Variants in PAAF1 observed in about 807,000 individuals in gnomAD.
PAAF1 encodes proteasomal ATPase associated factor 1.
Under a neutral mutation model 52.8 loss-of-function variants are expected in PAAF1, and 46 were observed. The observed-to-expected ratio is 0.87, with a 90% confidence interval of 0.69 to 1.11. The LOEUF (loss-of-function observed/expected upper bound fraction) is 1.11, where lower values mean the gene tolerates loss of function less well. Among genes scored for constraint, PAAF1 ranks in the 50% most tolerant of loss-of-function variants. The probability of loss-of-function intolerance (pLI) is 0.00; values close to 1 mark genes in which losing one functional copy is unlikely to be tolerated. For synonymous variants in PAAF1, 178 were observed against 172.8 expected (o/e 1.03, Z -0.24); for missense variants, 424 against 477.4 (o/e 0.89, Z 1.04).
chr11:73,877,092 T>A (rs1430301758), intron 1 of PAAF1, 24 bp downstream of exon 1: 1 of 1,510,356 alleles, frequency 6.6e-7, no homozygotes, highest in Non-Finnish European at 8.9e-7. Flanking sequence ...CAGAACAGAG[T>A]CAGAGGAGGC....
At chr11:73,921,937 C>T in intron 10 of PAAF1, 1 of 1,035,458 alleles carries the variant, frequency 9.7e-7, no homozygotes, top group Non-Finnish European at 1.5e-6. Flanking sequence ...TTTGGAATTG[C>T]ACTTCTGGAG....
intron 2 of PAAF1, among the ~76,000 whole-genome samples, chr11:73,884,860 ATTC>A (rs1949015296): frequency 6.8e-6 from 1 of 146,084 alleles, no homozygotes; most frequent in African/African-American, 2.6e-5. Context: ...ACTTTCTTTT[ATTC>A]TTTTTTTTTT....
In PAAF1 at chr11:73,914,453, G is replaced by A. The variant is rs367553624; in HGVS notation, c.768G>A (p.Leu256=). ...GAACAGAGGCCAAAATGCTGCTCTT[G>A]GCCCGGGAAGATAAGAAACTTCAGT... The part of the protein sequence containing the change: ...EVGTEAKMLL[L]AREDKKLQCL... Residue 256 remains leucine, a synonymous_variant, in exon 8 of 12, where the codon TTG becomes TTA. Coordinates refer to ENST00000310571, the MANE Select transcript of PAAF1 (RefSeq NM_025155.3). 6.8e-5 allele frequency: 110 copies of A among 1,613,942 alleles called. 3 individuals are homozygous for A. In the East Asian group the frequency reaches 1.0e-3, roughly 15 times the overall value.
chr11:73,877,778 C>T (rs758004302), intron 1 of PAAF1, among the ~76,000 whole-genome samples: 20 of 152,118 alleles, frequency 1.3e-4, no homozygotes, highest in Middle Eastern at 3.4e-3. Context: ...CCCAGCTACT[C>T]GGGAGGCTGA....
At chr11:73,898,561 A>G (rs1949497439) in intron 4 of PAAF1, among the ~76,000 whole-genome samples, 1 of 152,130 alleles carries the variant, frequency 6.6e-6, no homozygotes, top group Admixed American at 6.6e-5. Flanking sequence ...GGTGGCCTAT[A>G]ATCCCAGCAC....
At position 73,909,405 on chromosome 11, in the gene PAAF1, T is replaced by A; in HGVS notation, c.539T>A (p.Leu180Gln). 6.2e-7 allele frequency: 1 copy of A among 1,614,140 alleles called. No homozygotes were observed. The highest frequency in any genetic ancestry group is 8.5e-7 in the Non-Finnish European group (1 of 1,180,008). The change falls in exon 7 of 12, where the codon CTG becomes CAG. Residue 180 changes from leucine to glutamine, a missense_variant. By Grantham distance (113) the Leu-to-Gln change is moderately radical. Transcript: ENST00000310571. ...AGTTTTTTTCTCTTGCTAGGTATCC[T>A]GGATACAGCCATCGTTGATCGGGGG... ...VTFKGHKGGI[L>Q]DTAIVDRGRN...
At chr11:73,926,725 A>G (rs1337019983) in intron 11 of PAAF1, among the ~76,000 whole-genome samples, 1 of 152,128 alleles carries the variant, frequency 6.6e-6, no homozygotes, top group East Asian at 1.9e-4. Flanking sequence ...CAAACAAACA[A>G]AATTCTTGTG....
intron 11 of PAAF1, among the ~76,000 whole-genome samples, chr11:73,925,698 G>A (rs114314206): frequency 6.1e-4 from 93 of 152,144 alleles, no homozygotes; most frequent in African/African-American, 2.2e-3. Context: ...CAGACACTGT[G>A]CTGAACGTTT....
rs1024642349 is a variant in PAAF1, at chr11:73,928,750, G to A, written c.*1388G>A. 1.3e-5 allele frequency: 2 copies of A among 152,066 alleles called. No homozygotes were observed. Among genetic ancestry groups the A allele is most frequent in the African/African-American group, 4.8e-5 (2 of 41,416 alleles). The allele number at this position is 152,066 out of a possible 1,614,324, so 9.4% of individuals were successfully genotyped here. A position where few individuals can be genotyped will look rare whatever the true frequency, so the allele number is the denominator to read the frequency against. Reference sequence around the variant, plus strand: ...TCTTTTTTTTGTTTTTTTTGAGACGGAGTCTCGCTCTGTCACCCAGACTGG... The same window carrying A: ...TCTTTTTTTTGTTTTTTTTGAGACGAAGTCTCGCTCTGTCACCCAGACTGG... On this transcript the variant is annotated 3_prime_UTR_variant, in exon 12 of 12. Coordinates refer to ENST00000310571, the MANE Select transcript of PAAF1 (RefSeq NM_025155.3).
rs866133701 is a variant in PAAF1 at position 73,897,468 on chromosome 11, C to T, written c.283-1678C>T. 4.0e-3 allele frequency among the ~76,000 whole-genome samples: 580 copies of T among 144,264 alleles called. 2 individuals carry two copies. Among genetic ancestry groups the T allele is most frequent in the Middle Eastern group, 0.016 (4 of 256 alleles). The allele number at this position is 144,264 out of a possible 152,430, so 94.6% of individuals were successfully genotyped here. A position where few individuals can be genotyped will look rare whatever the true frequency, so the allele number is the denominator to read the frequency against. On this transcript the variant is annotated intron_variant, in intron 4 of 11. Transcript: ENST00000310571. Reference sequence around the variant, plus strand: ...GCAGAGGGTCTCCTCACTTCTCAGACGGGGCGGCCGGGCAGAGACGCTCCT... The same window carrying T: ...GCAGAGGGTCTCCTCACTTCTCAGATGGGGCGGCCGGGCAGAGACGCTCCT...
chr11:73,899,342 T>C, intron 5 of PAAF1, 98 bp downstream of exon 5: 2 of 777,770 alleles, frequency 2.6e-6, no homozygotes, highest in Non-Finnish European at 4.4e-6. Flanking sequence ...ATTCTAAAAA[T>C]GTGGGACCAC....
chr11:73,923,753 T>C (rs912775271), intron 10 of PAAF1, among the ~76,000 whole-genome samples: 5 of 152,158 alleles, frequency 3.3e-5, no homozygotes, highest in Admixed American at 1.3e-4. Flanking sequence ...AATCACCTTA[T>C]TAAGCAGTTT....
chr11:73,911,622 C>CTT lies in PAAF1; in HGVS notation c.727+2047_727+2048dup, dbSNP rs781166373. Among the ~76,000 whole-genome samples, 122 of 120,476 alleles carry CTT rather than the reference C, an allele frequency of 1.0e-3. 1 individual carries two copies. The highest frequency in any genetic ancestry group is 3.7e-3 in the South Asian group (13 of 3,490). The allele number at this position is 120,476 out of a possible 152,430, so 79.0% of individuals were successfully genotyped here. A position where few individuals can be genotyped will look rare whatever the true frequency, so the allele number is the denominator to read the frequency against. On this transcript the variant is annotated intron_variant, in intron 7 of 11. Coordinates refer to ENST00000310571, the MANE Select transcript of PAAF1 (RefSeq NM_025155.3). ...GTTGTTAAAGTCACCAGTGACCTTCCTTTTTTTTTTTTTTTTTTTGAGATG... is the reference window on the plus strand; with the variant it reads ...GTTGTTAAAGTCACCAGTGACCTTCCTTTTTTTTTTTTTTTTTTTTTGAGATG...
intron 10 of PAAF1, chr11:73,922,083 T>C (rs1950234224): frequency 3.3e-6 from 3 of 900,850 alleles, no homozygotes; most frequent in Non-Finnish European, 5.4e-6. Flanking sequence ...ATCTGTATCT[T>C]TTGTCTCTCT....
intron 10 of PAAF1, among the ~76,000 whole-genome samples, chr11:73,921,125 C>T (rs1248392562): frequency 2.0e-5 from 3 of 151,988 alleles, no homozygotes; most frequent in Non-Finnish European, 2.9e-5. Context: ...CATAGCGAAA[C>T]GCCATCTCTA....
chr11:73,879,690 A>ACTCC (rs1948838381), intron 2 of PAAF1: 1 of 146,368 alleles, frequency 6.8e-6, no homozygotes, highest in Non-Finnish European at 1.5e-5. Context: ...ACAAAGTGAG[A>ACTCC]CCCCCTCCCC....
chr11:73,887,466 TTA>T lies in PAAF1; in HGVS notation c.192+11_192+12del, dbSNP rs1565126944. 2 of 1,572,102 alleles carry T rather than the reference TTA, an allele frequency of 1.3e-6. No homozygotes were observed. The highest frequency in any genetic ancestry group is 3.7e-5 in the Admixed American group (2 of 54,474). ...TGAATGAAATAAACAAGGTATGTTT[TTA>T]TGTCTTCTAGATGGCATGATATTTA... On this transcript the variant is annotated intron_variant, in intron 3 of 11. Coordinates refer to ENST00000310571, the MANE Select transcript of PAAF1 (RefSeq NM_025155.3).
chr11:73,919,148 A>T, intron 10 of PAAF1, 116 bp downstream of exon 10: 3 of 823,240 alleles, frequency 3.6e-6, no homozygotes, highest in Non-Finnish European at 3.9e-6. Flanking sequence ...ATTCTTTGGC[A>T]TATTGTACCT....
chr11:73,903,948 G>A (rs1949692359), intron 6 of PAAF1, among the ~76,000 whole-genome samples: 1 of 151,716 alleles, frequency 6.6e-6, no homozygotes, highest in African/African-American at 2.4e-5. Flanking sequence ...GCCAGGTGTA[G>A]TGGTGTGCGC....
Sources: allele counts gnomAD v4.1 joint callset (sites outside exome capture counted in the v4.1 genomes callset), GRCh38; gene constraint gnomAD v4.1.1; transcripts MANE v1.5; gene names NCBI Gene and HGNC (gene_info 2026-07-23, HGNC 2026-07-21).